The following CIT variants were observed in gnomAD, a reference collection of about 807,000 sequenced individuals.
The protein encoded by CIT is citron Rho-interacting kinase.
A neutral mutation model predicts 272.7 loss-of-function variants in CIT; 79 were observed. The ratio of observed to expected loss-of-function variants is 0.29; its 90% confidence interval spans 0.24 to 0.35. The LOEUF (loss-of-function observed/expected upper bound fraction) is 0.35, where lower values mean the gene tolerates loss of function less well. CIT is among the 10% of genes least tolerant of loss of function. The pLI is 1.00. For missense variants in CIT, 1,909 were observed against 2,618.3 expected (o/e 0.73, Z 5.91); for synonymous variants, 948 against 995.6 (o/e 0.95, Z 0.90).
intron 37 of CIT, among the ~76,000 whole-genome samples, chr12:119,711,478 C>A (rs1387405275): frequency 6.6e-6 from 1 of 152,174 alleles, no homozygotes; most frequent in African/African-American, 2.4e-5. Context: ...ACACAGCTGC[C>A]GGCAGCCTAT....
chr12:119,841,336 G>A (rs764264124), intron 5 of CIT, among the ~76,000 whole-genome samples: 62 of 152,012 alleles, frequency 4.1e-4, no homozygotes, highest in Non-Finnish European at 7.2e-4. Flanking sequence ...CACCATGCCC[G>A]GCTAATTTCT....
chr12:119,873,215 T>A (rs1437118208), intron 2 of CIT, among the ~76,000 whole-genome samples: 1 of 152,046 alleles, frequency 6.6e-6, no homozygotes, highest in Non-Finnish European at 1.5e-5. Context: ...CCATAACTAT[T>A]ACATAATCAG....
chr12:119,709,817 T>A lies in CIT; in HGVS notation c.5071+434A>T, dbSNP rs1240620878. Among the ~76,000 whole-genome samples the A allele has an allele frequency of 9.0e-4, 133 of 147,238 alleles. 1 individual carries two copies. The highest frequency in any genetic ancestry group is 2.6e-3 in the African/African-American group (99 of 37,700). On this transcript the variant is annotated intron_variant, in intron 39 of 47. Transcript: ENST00000392521. ...GTGTGTGTGTGTGTGTGTGTGTGTG[T>A]GTGTGTGTGTGTGTGTGTGTTAAGA...
At chr12:119,715,484 GAC>G (rs1957409129) in intron 32 of CIT, among the ~76,000 whole-genome samples, 1 of 152,066 alleles carries the variant, frequency 6.6e-6, no homozygotes, top group Non-Finnish European at 1.5e-5. Flanking sequence ...AGAGCAGATC[GAC>G]AGAGACAGAA....
In CIT at chr12:119,770,072, G is replaced by C. The variant is rs2137575616; in HGVS notation, c.2208+713C>G. On this transcript the variant is annotated intron_variant, in intron 18 of 47. Transcript: ENST00000392521. This position sits in a 1 kb window ranked among gnomAD's most constrained non-coding sequence, Gnocchi z 4.4. ...AACATGATGTCAAATTTCTGGCTGT[G>C]GGACTGAGGTCCAAGGAGAGCCCTT... Among the ~76,000 whole-genome samples, 1 of 152,246 alleles carries C rather than the reference G, an allele frequency of 6.6e-6. No homozygotes were observed.
At chr12:119,816,165 A>G (rs1967164860) in intron 9 of CIT, among the ~76,000 whole-genome samples, 1 of 152,232 alleles carries the variant, frequency 6.6e-6, no homozygotes, top group Non-Finnish European at 1.5e-5. Flanking sequence ...TCATACATGT[A>G]TAAACATGTT....
chr12:119,860,684 C>T (rs748107473), intron 3 of CIT, among the ~76,000 whole-genome samples: 7 of 152,106 alleles, frequency 4.6e-5, no homozygotes, highest in African/African-American at 1.2e-4. Flanking sequence ...AGACAGACCA[C>T]GGTGCTTTGC....
chr12:119,724,094 C>T (rs1957957076), intron 28 of CIT, among the ~76,000 whole-genome samples: 1 of 151,752 alleles, frequency 6.6e-6, no homozygotes, highest in Non-Finnish European at 1.5e-5. Flanking sequence ...AGTTTGAGGG[C>T]AACATAGGGA....
At chr12:119,711,238 GTTTA>G in intron 37 of CIT, 1 of 524,128 alleles carries the variant, frequency 1.9e-6, no homozygotes, top group Non-Finnish European at 3.3e-6. Context: ...CACATAAAGT[GTTTA>G]TTAGGAGTGA....
chr12:119,687,977 G>T lies in CIT; in HGVS notation c.*255C>A, dbSNP rs1955669172. On this transcript the variant is annotated 3_prime_UTR_variant, in exon 48 of 48. Transcript: ENST00000392521. ...AGGTACAAAAGTTTGTGAATGCTTT[G>T]AAAGAGTAACAAAGTGCAAAGAGAT... is the stretch of plus-strand genomic sequence containing the variant. The T allele has an allele frequency of 1.8e-6, 1 of 545,600 alleles. No homozygotes were observed. Among genetic ancestry groups the T allele is most frequent in the South Asian group, 2.6e-5 (1 of 39,136 alleles). 33.8% of individuals were successfully genotyped at this position (545,600 alleles called of 1,614,324 possible). A position where few individuals can be genotyped will look rare whatever the true frequency, so the allele number is the denominator to read the frequency against.
chr12:119,763,172 A>T (rs1030974512), intron 19 of CIT, among the ~76,000 whole-genome samples: 5 of 152,354 alleles, frequency 3.3e-5, no homozygotes, highest in South Asian at 4.1e-4. Flanking sequence ...GAAATAAGAG[A>T]TTCCACTAAA....
chr12:119,815,054 AG>A (rs1967028914), intron 9 of CIT, among the ~76,000 whole-genome samples: 1 of 149,604 alleles, frequency 6.7e-6, no homozygotes. Flanking sequence ...AAAAAAAAAA[AG>A]GGCCCAAAAC....
chr12:119,714,950 T>C (rs1478553857), intron 32 of CIT, among the ~76,000 whole-genome samples: 1 of 152,320 alleles, frequency 6.6e-6, no homozygotes, highest in South Asian at 2.1e-4. Flanking sequence ...AATGGTGATA[T>C]GGTTTGGCTG....
At chr12:119,872,665 C>T (rs993481015) in intron 2 of CIT, among the ~76,000 whole-genome samples, 3 of 152,168 alleles carry the variant, frequency 2.0e-5, no homozygotes, top group African/African-American at 7.2e-5. Context: ...GGCCCAATGG[C>T]TATGTGGTCA....
intron 19 of CIT, 24 bp downstream of exon 19, chr12:119,767,063 G>A: frequency 6.3e-7 from 1 of 1,582,248 alleles, no homozygotes; most frequent in Non-Finnish European, 8.6e-7. Context: ...AGCAAGGCCA[G>A]GGAAGATCAG....
At chr12:119,809,595 T>C (rs1373985193) in intron 9 of CIT, among the ~76,000 whole-genome samples, 1 of 152,182 alleles carries the variant, frequency 6.6e-6, no homozygotes, top group African/African-American at 2.4e-5. Flanking sequence ...CCAGCCCTCC[T>C]TTCATCTGCT....
intron 30 of CIT, among the ~76,000 whole-genome samples, chr12:119,719,851 G>T (rs559282524): frequency 2.7e-4 from 41 of 152,326 alleles, no homozygotes; most frequent in African/African-American, 9.6e-4. Context: ...AGCATGTATA[G>T]ATCAGGCTTA....
chr12:119,827,057 A>C (rs1566097043), intron 7 of CIT, among the ~76,000 whole-genome samples: 1 of 152,098 alleles, frequency 6.6e-6, no homozygotes, highest in African/African-American at 2.4e-5. Context: ...ACGCTCTGAT[A>C]CAGGTTTTTC....
chr12:119,838,979 C>T (rs1198497354), intron 5 of CIT, among the ~76,000 whole-genome samples: 1 of 152,230 alleles, frequency 6.6e-6, no homozygotes, highest in East Asian at 1.9e-4. Context: ...AGAGAAAGCA[C>T]AGCAGCTGAC....
Sources: gnomAD v4.1 joint callset for allele counts (sites outside exome capture counted in the v4.1 genomes callset) on GRCh38, gnomAD v4.1.1 for gene constraint, Gnocchi (gnomAD v3.1) non-coding constraint, MANE v1.5 for transcripts, NCBI Gene and HGNC (gene_info 2026-07-23, HGNC 2026-07-21) for gene names.